Variants in SNX25 observed in about 807,000 individuals in gnomAD.
The protein encoded by SNX25 is sorting nexin-25.
SNX25 carries 62 observed loss-of-function variants against 113.7 expected under a neutral mutation model. The observed-to-expected ratio is 0.55, with a 90% CI of 0.44 to 0.67. The LOEUF (loss-of-function observed/expected upper bound fraction) is 0.67. Ranked by LOEUF, SNX25 falls within the 30% of genes least tolerant of loss-of-function variation. The probability of loss-of-function intolerance (pLI) is 0.00; values close to 1 mark genes in which losing one functional copy is unlikely to be tolerated. For synonymous variants in SNX25, 421 were observed against 436.2 expected (o/e 0.97, Z 0.43); for missense variants, 1,014 against 1,161.0 (o/e 0.87, Z 1.84).
At chr4:185,287,667 G>A (rs1486095754) in intron 5 of SNX25, among the ~76,000 whole-genome samples, 2 of 152,228 alleles carry the variant, frequency 1.3e-5, no homozygotes, top group Non-Finnish European at 2.9e-5. Context: ...CAGTGCCAAT[G>A]TAAGAAGTAG....
intron 1 of SNX25, among the ~76,000 whole-genome samples, chr4:185,241,292 A>T (rs1295759885): frequency 1.3e-5 from 2 of 152,134 alleles, no homozygotes; most frequent in Admixed American, 1.3e-4. Context: ...CCCGGCCAAC[A>T]CAGCGAAACC....
chr4:185,301,613 G>A (rs909352037), intron 6 of SNX25, among the ~76,000 whole-genome samples: 2 of 152,062 alleles, frequency 1.3e-5, no homozygotes, highest in African/African-American at 2.4e-5. Context: ...TTGAGACAGA[G>A]TCTCACTCTG....
intron 5 of SNX25, among the ~76,000 whole-genome samples, chr4:185,284,973 G>A (rs1368899517): frequency 6.6e-6 from 1 of 152,198 alleles, no homozygotes; most frequent in Non-Finnish European, 1.5e-5. Flanking sequence ...TAGAGAAACG[G>A]AAAGGTAAGG....
chr4:185,242,001 C>G (rs1047274236), intron 1 of SNX25, among the ~76,000 whole-genome samples: 4 of 152,130 alleles, frequency 2.6e-5, no homozygotes, highest in African/African-American at 7.2e-5. Flanking sequence ...TTTTCATTAG[C>G]TTCTTTCTCT....
intron 1 of SNX25, among the ~76,000 whole-genome samples, chr4:185,240,688 G>C (rs557023316): frequency 6.6e-6 from 1 of 151,306 alleles, no homozygotes; most frequent in Non-Finnish European, 1.5e-5. Context: ...GGCGGCTGCC[G>C]GGCGGGGGGC....
chr4:185,211,410 T>C (rs1329584507), intron 1 of SNX25, among the ~76,000 whole-genome samples: 1 of 152,228 alleles, frequency 6.6e-6, no homozygotes, highest in East Asian at 1.9e-4. Flanking sequence ...AATCTCCACT[T>C]AGCCATCCGT....
chr4:185,231,937 A>G lies in SNX25; in HGVS notation c.430-15357A>G, dbSNP rs1026518457. 2.0e-5 allele frequency among the ~76,000 whole-genome samples: 3 copies of G among 152,272 alleles called. No homozygotes were observed. The South Asian group carries it at 6.2e-4, about 32-fold the overall frequency. ...GTCTTTTATGGCAGTAATTCATTCC[A>G]TATCTTAATATGACACATTTATGCT... On this transcript the variant is annotated intron_variant, in intron 1 of 18. Transcript: ENST00000652585.
At chr4:185,371,540 TAAAAAAAAAAAA>T (rs11288148), downstream of SNX25, among the ~76,000 whole-genome samples, 1 of 78,302 alleles carries the variant, frequency 1.3e-5, no homozygotes, top group African/African-American at 4.8e-5. Flanking sequence ...AGACTCCGTC[TAAAAAAAAAAAA>T]AAAAAAAAAA....
intron 1 of SNX25, among the ~76,000 whole-genome samples, chr4:185,229,827 A>ATATT (rs997259755): frequency 6.6e-5 from 10 of 151,974 alleles, no homozygotes; most frequent in Non-Finnish European, 1.3e-4. Context: ...TTCAAGTACT[A>ATATT]TATTTATTTA....
At position 185,210,647 on chromosome 4, in the gene SNX25, T is replaced by G. The variant is rs922340568; in HGVS notation, c.429+392T>G. ...ACGGTCCTGGCGATCCGCTTGGTTC[T>G]TCTGGCCGTTCTCGGTGGGAGGCAA... is the stretch of plus-strand genomic sequence containing the variant. On this transcript the variant is annotated intron_variant, in intron 1 of 18. Coordinates refer to ENST00000652585, the MANE Select transcript of SNX25 (RefSeq NM_001378034.2). The surrounding 1 kb of genome is among the most constrained non-coding windows in gnomAD (Gnocchi z 4.4). 6.6e-6 allele frequency among the ~76,000 whole-genome samples: 1 copy of G among 151,880 alleles called. No individual in the cohort carries two copies. The highest frequency in any genetic ancestry group is 2.4e-5 in the African/African-American group (1 of 41,342).
downstream of SNX25, chr4:185,372,720 C>T: frequency 1.5e-6 from 1 of 653,494 alleles, no homozygotes. Context: ...CACGTGAGGA[C>T]ATGATGGTCC....
chr4:185,287,996 T>A lies in SNX25; in HGVS notation c.1092-16T>A, dbSNP rs1751582571. The A allele has an allele frequency of 1.3e-6, 2 of 1,598,310 alleles. No individual in the cohort carries two copies. Among genetic ancestry groups the A allele is most frequent in the Non-Finnish European group, 1.7e-6 (2 of 1,170,070 alleles). On this transcript the variant is annotated splice_polypyrimidine_tract_variant and intron_variant, in intron 5 of 18. Transcript: ENST00000652585. Reference sequence around the variant, plus strand: ...CTTCCTCTTAAATCTTTTTCTTTTCTCTTTTTAAAAATCAGGTATCAAATT... The same window carrying A: ...CTTCCTCTTAAATCTTTTTCTTTTCACTTTTTAAAAATCAGGTATCAAATT...
chr4:185,255,382 C>T (rs1035486744), intron 2 of SNX25, among the ~76,000 whole-genome samples: 2 of 152,134 alleles, frequency 1.3e-5, no homozygotes, highest in Admixed American at 1.3e-4. Flanking sequence ...GATCTGCCTG[C>T]CTCAGCCTCC....
chr4:185,240,746 T>C (rs1743765811), intron 1 of SNX25, among the ~76,000 whole-genome samples: 1 of 149,964 alleles, frequency 6.7e-6, no homozygotes, highest in African/African-American at 2.5e-5. Context: ...GCGGAGACGC[T>C]CCTCACTTCC....
intron 5 of SNX25, among the ~76,000 whole-genome samples, chr4:185,274,136 C>T (rs973674572): frequency 6.6e-6 from 1 of 151,814 alleles, no homozygotes; most frequent in African/African-American, 2.4e-5. Flanking sequence ...TCTCAGCTCA[C>T]TGCAACCTCC....
At chr4:185,214,033 A>T (rs1738370929) in intron 1 of SNX25, among the ~76,000 whole-genome samples, 1 of 150,868 alleles carries the variant, frequency 6.6e-6, no homozygotes, top group African/African-American at 2.4e-5. Context: ...CTTTCCTAAG[A>T]GATGGTTTAA....
At chr4:185,368,454 C>T (rs1018530524), downstream of SNX25, among the ~76,000 whole-genome samples, 10 of 149,498 alleles carry the variant, frequency 6.7e-5, no homozygotes, top group East Asian at 5.8e-4. Flanking sequence ...TCCCTTCCTG[C>T]GGGACACTGC....
downstream of SNX25, chr4:185,367,033 G>A (rs2095390301): frequency 1.5e-5 from 11 of 728,164 alleles, no homozygotes; most frequent in East Asian, 5.2e-5. Context: ...AACAGCGTAC[G>A]AATTCAAGAA....
At chr4:185,233,392 A>C (rs1277690626) in intron 1 of SNX25, among the ~76,000 whole-genome samples, 3 of 152,242 alleles carry the variant, frequency 2.0e-5, no homozygotes, top group Admixed American at 6.5e-5. Flanking sequence ...GTGAGTCCTC[A>C]GTAAATGTTA....
Sources: allele counts gnomAD v4.1 joint callset (sites outside exome capture counted in the v4.1 genomes callset), GRCh38; gene constraint gnomAD v4.1.1; non-coding constraint Gnocchi (gnomAD v3.1); transcripts MANE v1.5; gene names NCBI Gene and HGNC (gene_info 2026-07-23, HGNC 2026-07-21).